PRX: variants seen among roughly 807,000 people sequenced by gnomAD.
The protein encoded by PRX is periaxin.
A neutral mutation model predicts 29.6 loss-of-function variants in PRX; 24 were observed. The observed-to-expected ratio is 0.81, with a 90% CI of 0.59 to 1.14. The LOEUF (loss-of-function observed/expected upper bound fraction) is 1.14. Among genes scored for constraint, PRX ranks in the 50% most tolerant of loss-of-function variants. PRX has a pLI of 0.00. For synonymous variants in PRX, 772 were observed against 831.7 expected (o/e 0.93, Z 1.24); for missense variants, 1,838 against 1,926.4 (o/e 0.95, Z 0.86).
chr19:40,394,743 C>T lies in PRX; in HGVS notation c.3609G>A (p.Glu1203=). Residue 1203 remains glutamate (E), a synonymous_variant, in exon 7 of 7, where the codon GAG becomes GAA. Coordinates refer to ENST00000324001, the MANE Select transcript of PRX (RefSeq NM_181882.3). The surrounding 1 kb of genome is among the most constrained non-coding windows in gnomAD (Gnocchi z 5.8). ...TAAAGACACCCTCACCCACCAGCAG[C>T]TCACCACCTGCAACCTGGGCTCCAG... ...SLPGAQVAGG[E]LLVGEGVFKM... The T allele has an allele frequency of 1.9e-6, 3 of 1,613,562 alleles. No individual in the cohort carries two copies. The highest frequency in any genetic ancestry group is 2.5e-6 in the Non-Finnish European group (3 of 1,180,020).
At chr19:40,404,085 T>TGA (rs1467569375) in intron 4 of PRX, among the ~76,000 whole-genome samples, 10 of 152,298 alleles carry the variant, frequency 6.6e-5, no homozygotes, top group Non-Finnish European at 1.5e-4. Flanking sequence ...ATTACAGGCG[T>TGA]GAGCCACCGC....
chr19:40,406,463 C>T (rs1233667428), intron 4 of PRX, among the ~76,000 whole-genome samples: 1 of 152,090 alleles, frequency 6.6e-6, no homozygotes, highest in Admixed American at 6.6e-5. Context: ...AGTGACTTGC[C>T]TAATGCCCTG....
intron 4 of PRX, chr19:40,407,461 C>T (rs1004919168): frequency 3.4e-5 from 8 of 236,056 alleles, no homozygotes; most frequent in Non-Finnish European, 6.8e-5. Context: ...CACCACCAAA[C>T]CCGGCTCATT....
chr19:40,401,963 A>G (rs2079497567), intron 5 of PRX, among the ~76,000 whole-genome samples: 1 of 152,090 alleles, frequency 6.6e-6, no homozygotes, highest in Admixed American at 6.5e-5. Context: ...CATATTGGCC[A>G]GGCTGGCCTC....
Position 40,398,656 on chromosome 19 carries a change from G to C in PRX, c.345C>G (p.Tyr115Ter). The change falls in exon 6 of 7, where the codon TAC (tyrosine) becomes TAG (stop). Residue 115 changes from tyrosine (Y) to a stop codon, truncating the protein, a stop_gained. Transcript: ENST00000324001. LOFTEE classifies it low-confidence loss of function (END_TRUNC). This position sits in a 1 kb window ranked among gnomAD's most constrained non-coding sequence, Gnocchi z 6.3. ...LALRPGTVSG[Y>*]EIKGPRAKVA... ...CCTTGGCCCGCGGGCCCTTGATCTCGTAGCCAGACACGGTCCCGGGCCGCA... is the reference window on the plus strand; with the variant it reads ...CCTTGGCCCGCGGGCCCTTGATCTCCTAGCCAGACACGGTCCCGGGCCGCA... 1 of 1,613,870 alleles carries C rather than the reference G, an allele frequency of 6.2e-7. No individual in the cohort carries two copies. Among genetic ancestry groups the C allele is most frequent in the Non-Finnish European group, 8.5e-7 (1 of 1,179,900 alleles).
At position 40,393,957 on chromosome 19, in the gene PRX, C is replaced by T. The variant is rs1175048493; in HGVS notation, c.*9G>A. The T allele has an allele frequency of 1.9e-6, 3 of 1,610,694 alleles. No individual in the cohort carries two copies. The highest frequency in any genetic ancestry group is 1.7e-5 in the Admixed American group (1 of 59,992). On this transcript the variant is annotated 3_prime_UTR_variant, in exon 7 of 7. Coordinates refer to ENST00000324001, the MANE Select transcript of PRX (RefSeq NM_181882.3). ...AAGGCAAGAAGGGATCCCCATCTGA[C>T]TAGGGGCTTCAGACAGCCGCAGCCT...
chr19:40,394,003 G>T lies in PRX; in HGVS notation c.4349C>A (p.Pro1450Gln). The T allele has an allele frequency of 6.2e-7, 1 of 1,613,394 alleles. No individual in the cohort carries two copies. The highest frequency in any genetic ancestry group is 8.5e-7 in the Non-Finnish European group (1 of 1,179,808). The change falls in exon 7 of 7, where the codon CCG becomes CAG. Residue 1450 changes from proline to glutamine, a missense_variant. Physicochemically the swap from Pro to Gln is moderately conservative, Grantham distance 76. Transcript: ENST00000324001. This position sits in a 1 kb window ranked among gnomAD's most constrained non-coding sequence, Gnocchi z 5.8. Reference sequence around the variant, plus strand: ...AGCCTGAGCCCCCTCCATCCTGGCCGGGCCTGGAGCCCCTGTCTCTGAAAA... The same window carrying T: ...AGCCTGAGCCCCCTCCATCCTGGCCTGGCCTGGAGCCCCTGTCTCTGAAAA... ...VGFSETGAPG[P>Q]ARMEGAQAAA...
At position 40,394,806 on chromosome 19, in the gene PRX, G is replaced by A. The variant is rs2079414943; in HGVS notation, c.3546C>T (p.Gly1182=). ...STVPSAEGTA[G]YRVQVPQVTL... The stretch of plus-strand genomic sequence containing the variant: ...TCACCTGGGGCACCTGAACCCTGTA[G>A]CCTGCTGTGCCCTCTGCTGAAGGGA... Residue 1182 remains glycine, a synonymous_variant, in exon 7 of 7, where the codon GGC becomes GGT. Transcript: ENST00000324001. The surrounding 1 kb of genome is among the most constrained non-coding windows in gnomAD (Gnocchi z 5.8). The A allele has an allele frequency of 1.2e-6, 2 of 1,613,422 alleles. No homozygotes were observed. The highest frequency in any genetic ancestry group is 3.3e-5 in the Admixed American group (2 of 60,002).
At position 40,397,686 on chromosome 19, in the gene PRX, C is replaced by G; in HGVS notation, c.666G>C (p.Glu222Asp). 1.3e-6 allele frequency: 2 copies of G among 1,559,874 alleles called. No homozygotes were observed. The highest frequency in any genetic ancestry group is 1.2e-5 in the South Asian group (1 of 85,646). ...CTGTGAAACGAGCTCCTGCAGCCAC[C>G]TCAGCCTCCACCTTGGCTTTCCTGG... Reference protein sequence around the residue: ...PPPRKAKVEAEVAAGARFTAP... With the variant: ...PPPRKAKVEADVAAGARFTAP... The change falls in exon 7 of 7, where the codon GAG becomes GAC. Residue 222 changes from glutamate to aspartate, a missense_variant. Physicochemically the swap from Glu to Asp is conservative, Grantham distance 45. Coordinates refer to ENST00000324001, the MANE Select transcript of PRX (RefSeq NM_181882.3).
Position 40,395,426 on chromosome 19 carries a change from C to T in PRX, c.2926G>A (p.Glu976Lys). ...CCTGCCTCCCCAGCCCCTTTGGCCT[C>T]AGCCTCAGCCCCCACCCGAGCCTTG... ...LPKARVGAEAEAKGAGEAGLL... is the reference protein window; with the variant it reads ...LPKARVGAEAKAKGAGEAGLL... The change falls in exon 7 of 7, where the codon GAG becomes AAG. Residue 976 changes from glutamate to lysine, a missense_variant. Coordinates refer to ENST00000324001, the MANE Select transcript of PRX (RefSeq NM_181882.3). 6.2e-7 allele frequency: 1 copy of T among 1,614,106 alleles called. No homozygotes were observed. The highest frequency in any genetic ancestry group is 8.5e-7 in the Non-Finnish European group (1 of 1,179,980).
chr19:40,413,576 G>A (rs1348107646), upstream of PRX, among the ~76,000 whole-genome samples: 1 of 152,178 alleles, frequency 6.6e-6, no homozygotes, highest in Non-Finnish European at 1.5e-5. Context: ...TCTTGCCTGG[G>A]CCGAGATCTC....
Position 40,397,070 on chromosome 19 carries a change from C to T in PRX, c.1282G>A (p.Gly428Arg), listed in dbSNP as rs151110565. 4.9e-5 allele frequency: 79 copies of T among 1,613,970 alleles called. No individual in the cohort carries two copies. The highest frequency in any genetic ancestry group is 2.9e-4 in the East Asian group (13 of 44,894). The change falls in exon 7 of 7, where the codon GGA (glycine) becomes AGA (arginine). Residue 428 changes from glycine to arginine, a missense_variant. By Grantham distance (125) the Gly-to-Arg change is moderately radical. Coordinates refer to ENST00000324001, the MANE Select transcript of PRX (RefSeq NM_181882.3). ...ACCTTGACCTCGGGCCCTGACACTC[C>T]GATGCCAAGGGAGGGCATCTTGATG... Reference protein sequence around the residue: ...PTIKMPSLGIGVSGPEVKVPK... With the variant: ...PTIKMPSLGIRVSGPEVKVPK...
At position 40,395,204 on chromosome 19, in the gene PRX, AGCCCTT is replaced by A. The variant is rs764547883; in HGVS notation, c.3142_3147del (p.Lys1048_Gly1049del). ...ATCTTCACCCTCCCATCCCAGCCCC[AGCCCTT>A]GCCCTCCAACTCAGCCACCCCTGGC... is the stretch of plus-strand genomic sequence containing the variant. On this transcript the variant is annotated inframe_deletion, in exon 7 of 7. Transcript: ENST00000324001. 3.1e-6 allele frequency: 5 copies of A among 1,613,350 alleles called. No homozygotes were observed. The highest frequency in any genetic ancestry group is 3.4e-6 in the Non-Finnish European group (4 of 1,179,804).
chr19:40,397,534 A>T lies in PRX; in HGVS notation c.818T>A (p.Leu273His). 6.5e-7 allele frequency: 1 copy of T among 1,542,690 alleles called. No individual in the cohort carries two copies. Among genetic ancestry groups the T allele is most frequent in the East Asian group, 2.4e-5 (1 of 41,024 alleles). ...AGGFALHLPT[L>H]GLGAPAPPAV... Reference sequence around the variant, plus strand: ...AGGCGGAGCCGGGGCTCCGAGCCCAAGGGTTGGCAGGTGGAGGGCAAAGCC... The same window carrying T: ...AGGCGGAGCCGGGGCTCCGAGCCCATGGGTTGGCAGGTGGAGGGCAAAGCC... Residue 273 changes from leucine (L) to histidine (H), a missense_variant, in exon 7 of 7, where the codon CTT (leucine) becomes CAT (histidine). Coordinates refer to ENST00000324001, the MANE Select transcript of PRX (RefSeq NM_181882.3).
rs1474525486 is a variant in PRX, at chr19:40,395,251, TCA to T, written c.3099_3100del (p.Glu1034GlyfsTer10). The T allele has an allele frequency of 2.0e-5, 32 of 1,613,878 alleles. No homozygotes were observed. Among genetic ancestry groups the T allele is most frequent in the Non-Finnish European group, 2.6e-5 (31 of 1,180,022 alleles). Reference sequence around the variant, plus strand: ...CACCCCTGGCACTAGTTCTGCTGCCTCAGTGTCCCGGCCTCTGACCCCAAACT... The same window carrying T: ...CACCCCTGGCACTAGTTCTGCTGCCTGTGTCCCGGCCTCTGACCCCAAACT... On this transcript the variant is annotated frameshift_variant, in exon 7 of 7. Transcript: ENST00000324001. LOFTEE classifies it low-confidence loss of function (END_TRUNC).
intron 5 of PRX, among the ~76,000 whole-genome samples, chr19:40,401,770 T>A (rs1052317250): frequency 1.2e-5 from 1 of 82,430 alleles, no homozygotes; most frequent in Non-Finnish European, 3.1e-5. Context: ...AGCCCACCCC[T>A]TTTTTTTTTT....
At position 40,408,210 on chromosome 19, in the gene PRX, G is replaced by T; in HGVS notation, c.-152C>A. The T allele has an allele frequency of 1.7e-6, 1 of 573,420 alleles. No individual in the cohort carries two copies. The highest frequency in any genetic ancestry group is 3.1e-6 in the Non-Finnish European group (1 of 318,304). 35.5% of individuals were successfully genotyped at this position (573,420 alleles called of 1,614,324 possible). ...TAACAGGAGCCCAGCCCGAGGTGCC[G>T]CACAGCTGTCTGCAGGGCTCACGCC... On this transcript the variant is annotated 5_prime_UTR_variant, in exon 3 of 7. Coordinates refer to ENST00000324001, the MANE Select transcript of PRX (RefSeq NM_181882.3).
Position 40,396,676 on chromosome 19 carries a change from A to G in PRX, c.1676T>C (p.Val559Ala). 6.2e-7 allele frequency: 1 copy of G among 1,613,694 alleles called. No individual in the cohort carries two copies. Among genetic ancestry groups the G allele is most frequent in the Non-Finnish European group, 8.5e-7 (1 of 1,179,926 alleles). The change falls in exon 7 of 7, where the codon GTG becomes GCG. Residue 559 changes from valine to alanine, a missense_variant. Val to Ala is a moderately conservative substitution (Grantham distance 64, BLOSUM62 0). This residue lies in a region of PRX where 1,143 missense variants were observed against 1,193.0 expected (regional missense o/e 0.96). Coordinates refer to ENST00000324001, the MANE Select transcript of PRX (RefSeq NM_181882.3). The part of the protein sequence containing the change: ...PKVSEMKLPE[V>A]SEVAVPEVRL... ...CACCTCTGGCACAGCCACCTCTGAC[A>G]CCTCTGGGAGTTTCATCTCTGACAC...
In PRX at chr19:40,396,266, C is replaced by G. The variant is rs187194280; in HGVS notation, c.2086G>C (p.Val696Leu). The G allele has an allele frequency of 6.2e-7, 1 of 1,612,914 alleles. No individual in the cohort carries two copies. The highest frequency in any genetic ancestry group is 1.3e-5 in the African/African-American group (1 of 74,528). The change falls in exon 7 of 7, where the codon GTG becomes CTG. Residue 696 changes from valine (V) to leucine (L), a missense_variant. This residue lies in a region of PRX where 1,143 missense variants were observed against 1,193.0 expected (regional missense o/e 0.96). Transcript: ENST00000324001. ...ACATCGGGCACGGCCATTTCAGGCA[C>G]CTTGGGGAGTTTCATCTCTGAGACT... Reference protein sequence around the residue: ...PKVSEMKLPKVPEMAVPDVHL... With the variant: ...PKVSEMKLPKLPEMAVPDVHL...
Sources: allele counts gnomAD v4.1 joint callset (sites outside exome capture counted in the v4.1 genomes callset), GRCh38; gene constraint gnomAD v4.1.1; regional missense constraint gnomAD v4.1.1; non-coding constraint Gnocchi (gnomAD v3.1); transcripts MANE v1.5; gene names NCBI Gene and HGNC (gene_info 2026-07-23, HGNC 2026-07-21).